AGBL1: variants seen among roughly 807,000 people sequenced by gnomAD.
AGBL1 encodes cytosolic carboxypeptidase 4.
A neutral mutation model predicts 118.9 loss-of-function variants in AGBL1; 130 were observed. That is an observed-to-expected ratio of 1.09 (90% CI 0.95 to 1.26). AGBL1 has a LOEUF of 1.26. Ranked by LOEUF, AGBL1 falls within the 50% of genes most tolerant of loss-of-function variation. AGBL1 has a pLI of 0.00. For missense variants in AGBL1, 1,584 were observed against 1,298.1 expected (o/e 1.22, Z -3.38); for synonymous variants, 555 against 478.9 (o/e 1.16, Z -2.08).
intron 22 of AGBL1, among the ~76,000 whole-genome samples, chr15:86,775,330 T>C (rs1237444032): frequency 1.3e-5 from 2 of 152,062 alleles, no homozygotes; most frequent in African/African-American, 4.8e-5. Flanking sequence ...TATGACTGAA[T>C]ATATGAAGAA....
In AGBL1 at chr15:86,913,370, C is replaced by T. The variant is rs4887519; in HGVS notation, c.*6076C>T. 53,169 of 151,968 alleles carry T rather than the reference C, an allele frequency of 0.35. 11,571 individuals are homozygous for T. Among genetic ancestry groups the T allele is most frequent in the African/African-American group, 0.62 (25,811 of 41,416 alleles). 9.4% of individuals were successfully genotyped at this position (151,968 alleles called of 1,614,324 possible). Reference sequence around the variant, plus strand: ...GATGTCAAGATGAAGGCCTTTTGGGCAGAAGACGGGACTCATCTCTCATTA... The same window carrying T: ...GATGTCAAGATGAAGGCCTTTTGGGTAGAAGACGGGACTCATCTCTCATTA... On this transcript the variant is annotated 3_prime_UTR_variant, in exon 23 of 23. Transcript: ENST00000614907.
intron 5 of AGBL1, among the ~76,000 whole-genome samples, chr15:86,196,913 ACACACACACACACG>A (rs2077822214): frequency 6.6e-6 from 1 of 151,562 alleles, no homozygotes; most frequent in African/African-American, 2.4e-5. Context: ...ACACACACAC[ACACACACACACACG>A]AAAGGCCATA....
At chr15:86,553,726 A>T (rs1212767356) in intron 20 of AGBL1, among the ~76,000 whole-genome samples, 1 of 152,164 alleles carries the variant, frequency 6.6e-6, no homozygotes, top group Non-Finnish European at 1.5e-5. Context: ...CAACTCTTTC[A>T]TGTATGAGGC....
intron 21 of AGBL1, among the ~76,000 whole-genome samples, chr15:86,612,733 C>T (rs2142393458): frequency 6.6e-6 from 1 of 152,318 alleles, no homozygotes; most frequent in Non-Finnish European, 1.5e-5. Context: ...TTCTTTCTTA[C>T]TAGGTCTTTT....
chr15:86,273,986 C>T (rs2079203202), intron 15 of AGBL1, among the ~76,000 whole-genome samples: 2 of 152,304 alleles, frequency 1.3e-5, no homozygotes, highest in African/African-American at 2.4e-5. Context: ...AGTCTCCAAA[C>T]TATTTTGACA....
intron 6 of AGBL1, among the ~76,000 whole-genome samples, chr15:86,246,075 G>A (rs984818723): frequency 6.6e-6 from 1 of 151,906 alleles, no homozygotes; most frequent in Admixed American, 6.6e-5. Flanking sequence ...GTGGAGATGG[G>A]GTTTTACTAT....
In AGBL1 at chr15:86,628,713, A is replaced by G. The variant is rs1009815476; in HGVS notation, c.2995-45560A>G. ...TGGGAGGCTGAGGCAGGAGAATGGC[A>G]TGAACCCGGGAGGCGGAGCTTGCAG... On this transcript the variant is annotated intron_variant, in intron 21 of 22. Transcript: ENST00000614907. 7.9e-5 allele frequency among the ~76,000 whole-genome samples: 12 copies of G among 152,106 alleles called. No individual in the cohort carries two copies. The South Asian group carries it at 2.5e-3, about 32-fold the overall frequency.
chr15:86,115,223 C>T (rs1189354514), intron 1 of AGBL1, among the ~76,000 whole-genome samples: 1 of 152,100 alleles, frequency 6.6e-6, no homozygotes, highest in Non-Finnish European at 1.5e-5. Context: ...TCCCATGATG[C>T]AGGGGAGTAC....
intron 18 of AGBL1, among the ~76,000 whole-genome samples, chr15:86,446,337 A>T (rs1219764832): frequency 6.6e-6 from 1 of 152,172 alleles, no homozygotes; most frequent in Non-Finnish European, 1.5e-5. Context: ...CTCCAGACGC[A>T]CTGCTCTGGT....
At chr15:86,996,627 A>G (rs8039824) in intron 24 of AGBL1, among the ~76,000 whole-genome samples, 14,878 of 152,116 alleles carry the variant, frequency 0.098, 1,271 homozygotes, top group African/African-American at 0.23. Flanking sequence ...CATATACCTA[A>G]GAGTAGAATT....
chr15:86,984,834 G>A (rs1379076551), intron 23 of AGBL1, among the ~76,000 whole-genome samples: 1 of 152,076 alleles, frequency 6.6e-6, no homozygotes, highest in Non-Finnish European at 1.5e-5. Flanking sequence ...AGTTTTGACA[G>A]ACACATACAC....
chr15:86,362,587 G>A (rs2080821213), intron 17 of AGBL1, among the ~76,000 whole-genome samples: 1 of 152,162 alleles, frequency 6.6e-6, no homozygotes, highest in South Asian at 2.1e-4. Context: ...GAGAGTACTG[G>A]CCCTGGACTG....
chr15:86,413,104 A>G, intron 18 of AGBL1, among the ~76,000 whole-genome samples: 1 of 152,178 alleles, frequency 6.6e-6, no homozygotes, highest in East Asian at 1.9e-4. Flanking sequence ...ATCAGAAGTT[A>G]TAGAATTCTG....
intron 21 of AGBL1, among the ~76,000 whole-genome samples, chr15:86,642,178 A>G (rs1444643114): frequency 6.6e-6 from 1 of 152,206 alleles, no homozygotes. Context: ...GTAAAGTCAT[A>G]TGGAAACAGG....
chr15:86,781,998 G>T (rs2078343253), intron 22 of AGBL1, among the ~76,000 whole-genome samples: 1 of 151,778 alleles, frequency 6.6e-6, no homozygotes, highest in Non-Finnish European at 1.5e-5. Context: ...TAGATCTTCT[G>T]GATCTGTGGC....
At chr15:86,809,483 A>C (rs2078760661) in intron 22 of AGBL1, among the ~76,000 whole-genome samples, 2 of 152,116 alleles carry the variant, frequency 1.3e-5, no homozygotes, top group South Asian at 4.1e-4. Flanking sequence ...TATTTGTCCC[A>C]TTCCTTTATA....
chr15:86,923,057 G>C (rs78634063), intron 23 of AGBL1, among the ~76,000 whole-genome samples: 8 of 152,156 alleles, frequency 5.3e-5, no homozygotes, highest in Non-Finnish European at 8.8e-5. Flanking sequence ...CCAGGTATCC[G>C]GCCCGAGGGA....
chr15:86,647,946 C>A (rs1278237063), intron 21 of AGBL1, among the ~76,000 whole-genome samples: 1 of 151,982 alleles, frequency 6.6e-6, no homozygotes, highest in Non-Finnish European at 1.5e-5. Context: ...AGAGTCAGAG[C>A]CAGGGTAGAA....
intron 7 of AGBL1, among the ~76,000 whole-genome samples, chr15:86,249,598 G>C (rs2078776533): frequency 6.6e-6 from 1 of 152,182 alleles, no homozygotes; most frequent in Admixed American, 6.5e-5. Context: ...CTAAGCTTGT[G>C]GTTGCCCAAG....
Sources: gnomAD v4.1 joint callset for allele counts (sites outside exome capture counted in the v4.1 genomes callset) on GRCh38, gnomAD v4.1.1 for gene constraint, MANE v1.5 for transcripts, NCBI Gene and HGNC (gene_info 2026-07-23, HGNC 2026-07-21) for gene names.